PROM1: variants seen among roughly 807,000 people sequenced by gnomAD.
The protein encoded by PROM1 is prominin 1, also known as prominin-1.
PROM1 carries 105 observed loss-of-function variants against 116.9 expected under a neutral mutation model. The observed-to-expected ratio is 0.90, with a 90% CI of 0.77 to 1.06. The LOEUF is 1.06. PROM1 is among the 50% of genes least tolerant of loss of function. The pLI is 0.00. For missense variants in PROM1, 1,122 were observed against 1,045.2 expected, an observed-to-expected ratio of 1.07 and a Z score of -1.01; for synonymous variants, 393 against 387.0, an observed-to-expected ratio of 1.02 and a Z score of -0.18.
intron 2 of PROM1, among the ~76,000 whole-genome samples, chr4:16,056,383 G>A (rs1739022438): frequency 6.6e-6 from 1 of 152,114 alleles, no homozygotes; most frequent in Admixed American, 6.5e-5. Flanking sequence ...GAGTGTATCC[G>A]CTCTTGCACG....
At chr4:16,044,777 C>G (rs1736125493) in intron 2 of PROM1, among the ~76,000 whole-genome samples, 1 of 152,160 alleles carries the variant, frequency 6.6e-6, no homozygotes, top group Non-Finnish European at 1.5e-5. Flanking sequence ...AGACTTTCTG[C>G]AGGCACTTCC....
intron 26 of PROM1, among the ~76,000 whole-genome samples, chr4:15,973,386 G>A (rs186054250): frequency 2.0e-5 from 3 of 152,332 alleles, no homozygotes; most frequent in Admixed American, 6.5e-5. Context: ...GGTGGAGGTT[G>A]CAGTGAGCTG....
At chr4:16,054,699 T>C (rs1738606041) in intron 2 of PROM1, among the ~76,000 whole-genome samples, 1 of 152,152 alleles carries the variant, frequency 6.6e-6, no homozygotes, top group Admixed American at 6.6e-5. Flanking sequence ...TTAATAGAGT[T>C]GCTATAATTA....
intron 13 of PROM1, among the ~76,000 whole-genome samples, chr4:16,001,262 C>G (rs968631460): frequency 1.3e-5 from 2 of 152,064 alleles, no homozygotes; most frequent in Non-Finnish European, 2.9e-5. Flanking sequence ...TGCCAGGGAG[C>G]GCTGATGCTC....
At chr4:15,995,174 T>C (rs1721999035) in intron 15 of PROM1, among the ~76,000 whole-genome samples, 1 of 152,170 alleles carries the variant, frequency 6.6e-6, no homozygotes, top group African/African-American at 2.4e-5. Context: ...CACTGGACAC[T>C]TGTTAGCTGC....
intron 26 of PROM1, among the ~76,000 whole-genome samples, chr4:15,977,859 A>G (rs112349266): frequency 3.8e-4 from 58 of 152,312 alleles, no homozygotes; most frequent in Admixed American, 1.2e-3. Context: ...CGGCTTCCCA[A>G]TGTGCTGGGA....
Position 16,018,520 on chromosome 4 carries a change from C to A in PROM1, c.805G>T (p.Ala269Ser). The A allele has an allele frequency of 6.2e-7, 1 of 1,609,962 alleles. No homozygotes were observed. The highest frequency in any genetic ancestry group is 8.5e-7 in the Non-Finnish European group (1 of 1,178,660). ...MATAIKETKEALENMNSTLKS... is the reference protein window; with the variant it reads ...MATAIKETKESLENMNSTLKS... ...AAGGTGCTGTTCATGTTCTCCAACG[C>A]CTCTTTGGTCTCCTTGATCGCTATG... Residue 269 changes from alanine to serine, a missense_variant, in exon 9 of 28, where the codon GCG becomes TCG. Coordinates refer to ENST00000447510, the MANE Select transcript of PROM1 (RefSeq NM_006017.3).
At chr4:16,066,422 T>A (rs1741546074) in intron 2 of PROM1, among the ~76,000 whole-genome samples, 1 of 152,224 alleles carries the variant, frequency 6.6e-6, no homozygotes, top group African/African-American at 2.4e-5. Context: ...ATTATTATCA[T>A]TTCCACTTTA....
Position 16,000,498 on chromosome 4 carries a change from G to T in PROM1, c.1576C>A (p.Arg526=). ...AATGGGTAGAAAATCATATTTACCC[G>T]GAATAATTCCTTGCTCGTGTAAGGT... ...CEPYTSKELF[R]VLDTPYLLNE... Residue 526 remains arginine (R), a splice_region_variant and synonymous_variant, in exon 14 of 28, where the codon CGG becomes AGG. Coordinates refer to ENST00000447510, the MANE Select transcript of PROM1 (RefSeq NM_006017.3). 6.3e-7 allele frequency: 1 copy of T among 1,582,142 alleles called. No individual in the cohort carries two copies. The highest frequency in any genetic ancestry group is 8.7e-7 in the Non-Finnish European group (1 of 1,155,550).
intron 11 of PROM1, among the ~76,000 whole-genome samples, chr4:16,010,892 G>C (rs917327895): frequency 2.0e-5 from 3 of 152,158 alleles, no homozygotes; most frequent in Non-Finnish European, 4.4e-5. Flanking sequence ...AGGTGTTTGG[G>C]TGTGACTCGT....
chr4:16,045,064 C>G (rs530173716), intron 2 of PROM1, among the ~76,000 whole-genome samples: 1 of 152,236 alleles, frequency 6.6e-6, no homozygotes, highest in South Asian at 2.1e-4. Flanking sequence ...ACTCTGGGAT[C>G]CCACGGCCTT....
At chr4:15,998,860 C>T (rs1161698362) in intron 14 of PROM1, among the ~76,000 whole-genome samples, 3 of 152,034 alleles carry the variant, frequency 2.0e-5, no homozygotes, top group Non-Finnish European at 4.4e-5. Flanking sequence ...GGACTACAGG[C>T]ACCACCACTG....
At chr4:16,003,148 T>C (rs572163261) in intron 13 of PROM1, 387 of 373,594 alleles carry the variant, frequency 1.0e-3, no homozygotes, top group Non-Finnish European at 1.6e-3. Context: ...TTAGAAACTT[T>C]TGTCAACAAA....
intron 20 of PROM1, among the ~76,000 whole-genome samples, chr4:15,986,916 A>C (rs1050787893): frequency 3.3e-5 from 5 of 152,208 alleles, no homozygotes; most frequent in Admixed American, 2.0e-4. Context: ...ATATCTTCTG[A>C]GTTGCCCATT....
rs140682455 is a variant in PROM1, at chr4:16,009,051, A to G, written c.1199T>C (p.Leu400Pro). 215 of 1,609,614 alleles carry G rather than the reference A, an allele frequency of 1.3e-4. 3 individuals are homozygous for G. The East Asian group carries it at 4.5e-3, about 33-fold the overall frequency. The stretch of plus-strand genomic sequence containing the variant: ...TGCTGAGAGTATATCCTGAATAGGA[A>G]GACGCTGAGTTACATTGTCGATATC... ...GSDIDNVTQR[L>P]PIQDILSAFS... The change falls in exon 12 of 28, where the codon CTT (leucine) becomes CCT (proline). Residue 400 changes from leucine to proline, a missense_variant. By Grantham distance (98) the Leu-to-Pro change is moderately conservative. Coordinates refer to ENST00000447510, the MANE Select transcript of PROM1 (RefSeq NM_006017.3).
At chr4:16,020,464 A>T (rs922314332) in intron 8 of PROM1, among the ~76,000 whole-genome samples, 1 of 152,208 alleles carries the variant, frequency 6.6e-6, no homozygotes, top group African/African-American at 2.4e-5. Context: ...TATTAACCAC[A>T]GCAAAACAGA....
chr4:16,047,101 G>A (rs908120856), intron 2 of PROM1, among the ~76,000 whole-genome samples: 1 of 152,182 alleles, frequency 6.6e-6, no homozygotes, highest in Admixed American at 6.5e-5. Context: ...AGGAGTGGAC[G>A]CTACAGTCTT....
At chr4:15,994,479 C>T (rs1360494805) in intron 15 of PROM1, among the ~76,000 whole-genome samples, 2 of 152,158 alleles carry the variant, frequency 1.3e-5, no homozygotes, top group Non-Finnish European at 2.9e-5. Flanking sequence ...CTGCCAAGAA[C>T]ATTTCTCCTC....
intron 26 of PROM1, among the ~76,000 whole-genome samples, chr4:15,973,277 T>C (rs1237087922): frequency 1.3e-5 from 2 of 152,152 alleles, no homozygotes; most frequent in Admixed American, 6.5e-5. Flanking sequence ...TGAAACTCCA[T>C]CTCTACTAAT....
Sources: gnomAD v4.1 joint callset for allele counts (sites outside exome capture counted in the v4.1 genomes callset) on GRCh38, gnomAD v4.1.1 for gene constraint, MANE v1.5 for transcripts, NCBI Gene and HGNC (gene_info 2026-07-23, HGNC 2026-07-21) for gene names.